NXPE2: variants seen among roughly 807,000 people sequenced by gnomAD.
NXPE2 encodes NXPE family member 2.
In NXPE2, 34 loss-of-function variants were observed where a neutral mutation model predicts 34.4. That is an observed-to-expected ratio of 0.99 (90% confidence interval 0.75 to 1.31). The LOEUF (loss-of-function observed/expected upper bound fraction) is 1.31. Among genes scored for constraint, NXPE2 ranks in the 40% most tolerant of loss-of-function variants. The pLI, the probability that NXPE2 is intolerant of heterozygous loss-of-function variation, is 0.00. For synonymous variants in NXPE2, 235 were observed against 231.3 expected, an observed-to-expected ratio of 1.02 and a Z score of -0.15; for missense variants, 649 against 672.5, an observed-to-expected ratio of 0.97 and a Z score of 0.39.
chr11:114,636,262 T>G, the NXPE2 span, among the ~76,000 whole-genome samples: 6,537 of 152,162 alleles, frequency 0.043, 475 homozygotes, highest in African/African-American at 0.15. Context: ...GAGGTGTTTG[T>G]AGTATTCTCT....
chr11:114,754,681 G>A, the NXPE2 span, among the ~76,000 whole-genome samples: 1 of 152,064 alleles, frequency 6.6e-6, no homozygotes, highest in Non-Finnish European at 1.5e-5. Context: ...GGCTGGTGGT[G>A]GGTATGGCAA....
the NXPE2 span, among the ~76,000 whole-genome samples, chr11:114,654,137 T>A: frequency 6.6e-6 from 1 of 151,966 alleles, no homozygotes; most frequent in African/African-American, 2.4e-5. Context: ...GCTTTCAGGA[T>A]CCAATCTACA....
the NXPE2 span, among the ~76,000 whole-genome samples, chr11:114,521,157 T>A: frequency 2.0e-5 from 3 of 151,728 alleles, no homozygotes; most frequent in Non-Finnish European, 4.4e-5. Flanking sequence ...GGTTATTGAT[T>A]TTCTCTTTAA....
rs185463049 is a variant in NXPE2 at position 114,689,627 on chromosome 11, G to A, written c.133-8418G>A. On this transcript the variant is annotated intron_variant, in intron 2 of 5. Transcript: ENST00000389586. ...ATCAGTCAAGCATCAAATTTAAGCC[G>A]AGAATTTCTTTGTTTCTTTGTTAGT... 1.7e-3 allele frequency among the ~76,000 whole-genome samples: 251 copies of A among 151,900 alleles called. 1 individual carries two copies. The highest frequency in any genetic ancestry group is 0.016 in the Admixed American group (244 of 15,258).
the NXPE2 span, among the ~76,000 whole-genome samples, chr11:114,800,653 GAATA>G: frequency 1.3e-5 from 2 of 152,152 alleles, no homozygotes; most frequent in African/African-American, 4.8e-5. Flanking sequence ...GTGATGTCAT[GAATA>G]AATACTGACA....
At chr11:114,633,842 A>G in the NXPE2 span, among the ~76,000 whole-genome samples, 4 of 151,972 alleles carry the variant, frequency 2.6e-5, 1 homozygote, top group African/African-American at 9.7e-5. Context: ...TATGTGCCAC[A>G]TTATCTTAAT....
intron 5 of NXPE2, 64 bp from the exon 6 acceptor site, chr11:114,706,331 T>A (rs1462246479): frequency 2.3e-6 from 3 of 1,297,268 alleles, no homozygotes; most frequent in Non-Finnish European, 3.1e-6. Flanking sequence ...ATACATGTTG[T>A]GTGCAGTTTA....
the NXPE2 span, chr11:114,512,971 C>G: frequency 2.9e-6 from 1 of 341,608 alleles, no homozygotes; most frequent in Non-Finnish European, 5.9e-6. Context: ...GTGTTGGTGT[C>G]TCGCCCTCCA....
At chr11:114,494,020 C>G in the NXPE2 span, among the ~76,000 whole-genome samples, 1 of 152,060 alleles carries the variant, frequency 6.6e-6, no homozygotes, top group Non-Finnish European at 1.5e-5. Context: ...ATATGTTATG[C>G]CACTCACTCT....
At chr11:114,551,473 T>A in the NXPE2 span, 1 of 1,116,482 alleles carries the variant, frequency 9.0e-7, no homozygotes, top group Admixed American at 4.4e-5. Flanking sequence ...CCTTATAGGT[T>A]CTCTTAATGC....
At chr11:114,702,540 A>C (rs1231338107) in intron 3 of NXPE2, among the ~76,000 whole-genome samples, 1 of 152,190 alleles carries the variant, frequency 6.6e-6, no homozygotes, top group Non-Finnish European at 1.5e-5. Flanking sequence ...AGCACCTACT[A>C]TATGCCAACA....
At chr11:114,529,488 G>C in the NXPE2 span, 1 of 152,248 alleles carries the variant, frequency 6.6e-6, no homozygotes, top group South Asian at 2.1e-4. Flanking sequence ...GGGGAGAAAA[G>C]CATGGCATTG....
chr11:114,527,009 A>G, the NXPE2 span: 1 of 152,166 alleles, frequency 6.6e-6, no homozygotes. Context: ...TTGCCTCTTT[A>G]CTGTCTTCAT....
At chr11:114,567,312 AC>A in the NXPE2 span, among the ~76,000 whole-genome samples, 17 of 151,844 alleles carry the variant, frequency 1.1e-4, no homozygotes, top group East Asian at 2.9e-3. Flanking sequence ...CTAGGCCCTC[AC>A]CTACTTGTTC....
chr11:114,479,181 C>T, the NXPE2 span, among the ~76,000 whole-genome samples: 23 of 152,172 alleles, frequency 1.5e-4, no homozygotes, highest in African/African-American at 5.5e-4. Flanking sequence ...TTAACAAGCT[C>T]CTCTTGTTCT....
At chr11:114,608,498 AGAT>A in the NXPE2 span, among the ~76,000 whole-genome samples, 1 of 148,418 alleles carries the variant, frequency 6.7e-6, no homozygotes, top group African/African-American at 2.5e-5. Flanking sequence ...GTTACCTGGT[AGAT>A]GATAAGTGTT....
At chr11:114,645,395 G>A in the NXPE2 span, among the ~76,000 whole-genome samples, 38 of 152,190 alleles carry the variant, frequency 2.5e-4, no homozygotes, top group East Asian at 7.1e-3. Context: ...AGATTAATCT[G>A]AATGTGAAAA....
At chr11:114,629,425 G>T in the NXPE2 span, among the ~76,000 whole-genome samples, 1 of 151,710 alleles carries the variant, frequency 6.6e-6, no homozygotes, top group East Asian at 1.9e-4. Context: ...AAAACCACAT[G>T]ATTATCTCAA....
the NXPE2 span, among the ~76,000 whole-genome samples, chr11:114,670,427 G>A: frequency 6.6e-6 from 1 of 152,050 alleles, no homozygotes; most frequent in African/African-American, 2.4e-5. Flanking sequence ...AAGCGCAGTG[G>A]CTCACCTCTG....
Sources: gnomAD v4.1 joint callset for allele counts (sites outside exome capture counted in the v4.1 genomes callset) on GRCh38, gnomAD v4.1.1 for gene constraint, MANE v1.5 for transcripts, NCBI Gene and HGNC (gene_info 2026-07-23, HGNC 2026-07-21) for gene names.